DGKH: variants seen among roughly 807,000 people sequenced by gnomAD.
DGKH encodes the protein diacylglycerol kinase eta.
DGKH carries 90 observed loss-of-function variants against 159.3 expected under a neutral mutation model. The observed-to-expected ratio is 0.57, with a 90% CI of 0.48 to 0.67. DGKH has a LOEUF of 0.67. Ranked by LOEUF, DGKH falls within the 30% of genes least tolerant of loss-of-function variation. The probability of loss-of-function intolerance (pLI) is 0.00; values close to 1 mark genes in which losing one functional copy is unlikely to be tolerated. For missense variants in DGKH, 1,181 were observed against 1,506.1 expected (o/e 0.78, Z 3.57); for synonymous variants, 536 against 553.8 (o/e 0.97, Z 0.45).
At chr13:42,116,844 T>C (rs1180893626) in intron 1 of DGKH, among the ~76,000 whole-genome samples, 3 of 152,244 alleles carry the variant, frequency 2.0e-5, no homozygotes, top group East Asian at 1.9e-4. Context: ...CTTTAAGACA[T>C]TGGACTAAAA....
chr13:42,042,655 CAG>C (rs1305980945), intron 1 of DGKH, among the ~76,000 whole-genome samples: 2 of 152,220 alleles, frequency 1.3e-5, no homozygotes, highest in Admixed American at 1.3e-4. Flanking sequence ...TTACCAACAA[CAG>C]AGAAACAGAT....
intron 1 of DGKH, among the ~76,000 whole-genome samples, chr13:42,083,661 C>G (rs1954252106): frequency 6.6e-6 from 1 of 152,104 alleles, no homozygotes; most frequent in South Asian, 2.1e-4. Context: ...CTGAGCAACT[C>G]GTTGCTTCTT....
intron 30 of DGKH, among the ~76,000 whole-genome samples, chr13:42,254,600 T>G (rs1958643956): frequency 6.8e-6 from 1 of 146,774 alleles, no homozygotes; most frequent in Non-Finnish European, 1.5e-5. Flanking sequence ...GCCATTGCAC[T>G]CCACTAGGCA....
intron 1 of DGKH, among the ~76,000 whole-genome samples, chr13:42,049,915 G>C (rs1407611287): frequency 6.6e-6 from 1 of 152,220 alleles, no homozygotes; most frequent in Non-Finnish European, 1.5e-5. Context: ...TCTGTTATCA[G>C]TAGGGAAATT....
intron 1 of DGKH, among the ~76,000 whole-genome samples, chr13:42,122,058 A>G (rs1159263787): frequency 6.6e-6 from 1 of 152,108 alleles, no homozygotes; most frequent in African/African-American, 2.4e-5. Flanking sequence ...TAGGTTCTTG[A>G]TGAGGGACAT....
chr13:42,078,256 C>T (rs917864130), intron 1 of DGKH, among the ~76,000 whole-genome samples: 3 of 152,106 alleles, frequency 2.0e-5, no homozygotes, highest in Admixed American at 6.6e-5. Flanking sequence ...CCTGAGAGGT[C>T]GGGATGTGTG....
chr13:42,115,735 T>C (rs1312857522), intron 1 of DGKH, among the ~76,000 whole-genome samples: 2 of 152,188 alleles, frequency 1.3e-5, no homozygotes, highest in Non-Finnish European at 2.9e-5. Context: ...AAGAGTCTTG[T>C]ATGACCAGCT....
intron 1 of DGKH, among the ~76,000 whole-genome samples, chr13:42,089,343 C>G (rs1256914583): frequency 1.3e-5 from 2 of 152,104 alleles, no homozygotes; most frequent in Non-Finnish European, 2.9e-5. Context: ...AGGCCATATT[C>G]TAGATAATAA....
At chr13:42,145,859 A>T (rs716934) in intron 3 of DGKH, among the ~76,000 whole-genome samples, 35,778 of 152,122 alleles carry the variant, frequency 0.24, 4,465 homozygotes, top group Middle Eastern at 0.31. Flanking sequence ...TAGGCCTAAT[A>T]TTTCAAGTGG....
intron 1 of DGKH, among the ~76,000 whole-genome samples, chr13:42,040,595 G>A (rs1344506886): frequency 1.3e-5 from 2 of 151,824 alleles, no homozygotes; most frequent in Non-Finnish European, 2.9e-5. Context: ...GTGGGAGGCT[G>A]CGGCGGTGGC....
At chr13:42,144,171 C>T (rs1033330813) in intron 3 of DGKH, among the ~76,000 whole-genome samples, 1 of 152,102 alleles carries the variant, frequency 6.6e-6, no homozygotes, top group Admixed American at 6.5e-5. Flanking sequence ...TTTTTATGTT[C>T]CATAACCTCC....
chr13:42,135,491 G>GA (rs757279736), intron 3 of DGKH, among the ~76,000 whole-genome samples: 9,646 of 69,230 alleles, frequency 0.14, 1,108 homozygotes, highest in East Asian at 0.47. Flanking sequence ...CCCTGTCTCA[G>GA]AAAAAAAAAA....
At position 42,238,572 on chromosome 13, in the gene DGKH, A is replaced by C. The variant is rs1958462275; in HGVS notation, c.*9384A>C. On this transcript the variant is annotated 3_prime_UTR_variant, in exon 30 of 30. Transcript: ENST00000337343. ...TTTAAACCAGTAGTTAAAAAGATGG[A>C]GTATGTGATGTTCCTTTCTCTGTAC... is the stretch of plus-strand genomic sequence containing the variant. 1 of 152,168 alleles carries C rather than the reference A, an allele frequency of 6.6e-6. No homozygotes were observed. The highest frequency in any genetic ancestry group is 2.1e-4 in the South Asian group (1 of 4,834). The allele number at this position is 152,168 out of a possible 1,614,324, so 9.4% of individuals were successfully genotyped here.
downstream of DGKH, among the ~76,000 whole-genome samples, chr13:42,245,671 C>T (rs1958575577): frequency 2.0e-5 from 3 of 152,170 alleles, no homozygotes; most frequent in Non-Finnish European, 2.9e-5. Context: ...CTGCAACCAC[C>T]GCCTCCCAGG....
chr13:42,172,859 G>C (rs1956498347), intron 11 of DGKH, among the ~76,000 whole-genome samples: 1 of 152,028 alleles, frequency 6.6e-6, no homozygotes, highest in African/African-American at 2.4e-5. Flanking sequence ...ATTTTTAGTA[G>C]AGACGGGGTT....
intron 8 of DGKH, among the ~76,000 whole-genome samples, chr13:42,165,638 C>T (rs569316900): frequency 7.0e-4 from 106 of 151,944 alleles, no homozygotes; most frequent in African/African-American, 2.5e-3. Context: ...TTAACATTGG[C>T]GAAATTACTG....
intron 21 of DGKH, among the ~76,000 whole-genome samples, chr13:42,207,564 G>A (rs747390693): frequency 2.0e-5 from 3 of 151,488 alleles, no homozygotes; most frequent in Non-Finnish European, 2.9e-5. Flanking sequence ...GGGCTCATTT[G>A]GCCGGTCGAG....
intron 1 of DGKH, among the ~76,000 whole-genome samples, chr13:42,099,390 T>G (rs1304883116): frequency 6.6e-6 from 1 of 152,162 alleles, no homozygotes; most frequent in Admixed American, 6.5e-5. Flanking sequence ...CCTTCATGTG[T>G]GCAGTGGACA....
intron 7 of DGKH, among the ~76,000 whole-genome samples, chr13:42,163,412 T>C (rs1411517624): frequency 6.6e-6 from 1 of 152,174 alleles, no homozygotes; most frequent in East Asian, 1.9e-4. Flanking sequence ...GTATTTCTAG[T>C]TCTAGATCCC....
Sources: gnomAD v4.1 joint callset for allele counts (sites outside exome capture counted in the v4.1 genomes callset) on GRCh38, gnomAD v4.1.1 for gene constraint, MANE v1.5 for transcripts, NCBI Gene and HGNC (gene_info 2026-07-23, HGNC 2026-07-21) for gene names.